The following PPP1R16B variants were observed in gnomAD, a reference collection of about 807,000 sequenced individuals.
PPP1R16B encodes the protein protein phosphatase 1 regulatory subunit 16B.
In PPP1R16B, 14 loss-of-function variants were observed where a neutral mutation model predicts 61.7. The observed-to-expected ratio is 0.23, with a 90% confidence interval of 0.15 to 0.35. The LOEUF (loss-of-function observed/expected upper bound fraction) is 0.35, where lower values mean the gene tolerates loss of function less well. Among genes scored for constraint, PPP1R16B ranks in the 10% least tolerant of loss-of-function variants. The pLI is 1.00. For missense variants in PPP1R16B, 547 were observed against 752.5 expected (o/e 0.73, Z 3.19); for synonymous variants, 266 against 305.3 (o/e 0.87, Z 1.34).
At chr20:38,915,111 G>A (rs551767218) in intron 10 of PPP1R16B, among the ~76,000 whole-genome samples, 2 of 152,180 alleles carry the variant, frequency 1.3e-5, no homozygotes, top group South Asian at 4.1e-4. Context: ...TAGCATTAGT[G>A]TGGTACATAT....
rs181845922 is a variant in PPP1R16B, at chr20:38,816,470, A to G, written c.-102+10678A>G. Among the ~76,000 whole-genome samples the G allele has an allele frequency of 1.3e-3, 192 of 152,366 alleles. 1 individual carries two copies. Among genetic ancestry groups the G allele is most frequent in the Non-Finnish European group, 2.4e-3 (163 of 68,028 alleles). ...GGATCCATAGAATGGTTTTCAATCA[A>G]TGAATGAACATCAAACATCTGTCTA... is the stretch of plus-strand genomic sequence containing the variant. On this transcript the variant is annotated intron_variant, in intron 1 of 10. Coordinates refer to ENST00000299824, the MANE Select transcript of PPP1R16B (RefSeq NM_015568.4).
chr20:38,866,495 G>A (rs546755127), intron 2 of PPP1R16B, among the ~76,000 whole-genome samples: 16 of 152,310 alleles, frequency 1.1e-4, no homozygotes, highest in Middle Eastern at 3.4e-3. Context: ...CTGTTATCTC[G>A]CCAGCACTCT....
intron 5 of PPP1R16B, among the ~76,000 whole-genome samples, chr20:38,901,272 C>T (rs968667758): frequency 2.6e-5 from 4 of 152,166 alleles, no homozygotes; most frequent in Non-Finnish European, 5.9e-5. Flanking sequence ...CTGGCCCTGC[C>T]CTTGTGTACC....
chr20:38,817,428 GGTT>G (rs1458440113), intron 1 of PPP1R16B, among the ~76,000 whole-genome samples: 1 of 152,038 alleles, frequency 6.6e-6, no homozygotes, highest in Non-Finnish European at 1.5e-5. Context: ...AGCCAGGCAT[GGTT>G]GTGTGTGCCT....
chr20:38,872,578 A>G (rs572432681), intron 2 of PPP1R16B, among the ~76,000 whole-genome samples: 19 of 152,300 alleles, frequency 1.2e-4, no homozygotes, highest in African/African-American at 4.6e-4. Flanking sequence ...CTGATCCAGC[A>G]GGGCTGGGGT....
intron 10 of PPP1R16B, 115 bp downstream of exon 10, chr20:38,908,308 G>A: frequency 1.2e-5 from 15 of 1,292,472 alleles, no homozygotes; most frequent in Non-Finnish European, 1.6e-5. Flanking sequence ...GCCAGGCACT[G>A]CCCTTAAACT....
intron 6 of PPP1R16B, 107 bp downstream of exon 6, chr20:38,902,899 C>A (rs2085408482): frequency 1.3e-6 from 2 of 1,517,348 alleles, no homozygotes; most frequent in South Asian, 2.5e-5. Flanking sequence ...TGACCTTGGA[C>A]CTCCGCAAGA....
In PPP1R16B at chr20:38,907,189, T is replaced by C; in HGVS notation, c.898+135T>C. 1 of 697,516 alleles carries C rather than the reference T, an allele frequency of 1.4e-6. No individual in the cohort carries two copies. The allele number at this position is 697,516 out of a possible 1,614,324, so 43.2% of individuals were successfully genotyped here. A position where few individuals can be genotyped will look rare whatever the true frequency, so the allele number is the denominator to read the frequency against. ...CTAGATAGATAGATGGATTAATTAA[T>C]GGATGGTAGATGAATGGACGGATGG... On this transcript the variant is annotated intron_variant, in intron 8 of 10. Transcript: ENST00000299824. The surrounding 1 kb of genome is among the most constrained non-coding windows in gnomAD (Gnocchi z 4.5).
intron 2 of PPP1R16B, among the ~76,000 whole-genome samples, chr20:38,862,031 C>T (rs1190372668): frequency 1.3e-5 from 2 of 152,164 alleles, no homozygotes; most frequent in Admixed American, 6.6e-5. Context: ...CTGACACCAG[C>T]CCTGACCAAG....
intron 3 of PPP1R16B, among the ~76,000 whole-genome samples, chr20:38,895,350 C>T (rs1358948996): frequency 6.6e-6 from 1 of 150,726 alleles, no homozygotes; most frequent in Non-Finnish European, 1.5e-5. Flanking sequence ...TTATTAACTT[C>T]ATTTTTACTC....
intron 1 of PPP1R16B, among the ~76,000 whole-genome samples, chr20:38,821,158 T>G (rs2084771319): frequency 6.6e-6 from 1 of 152,214 alleles, no homozygotes; most frequent in South Asian, 2.1e-4. Context: ...TGAGAACGTC[T>G]TTCCTAACAG....
chr20:38,865,649 G>A (rs1049077375), intron 2 of PPP1R16B, among the ~76,000 whole-genome samples: 1 of 152,154 alleles, frequency 6.6e-6, no homozygotes, highest in Non-Finnish European at 1.5e-5. Context: ...TGCACAGGTG[G>A]GCTCCACTTC....
chr20:38,816,568 C>G (rs1023224655), intron 1 of PPP1R16B, among the ~76,000 whole-genome samples: 1 of 152,176 alleles, frequency 6.6e-6, no homozygotes, highest in Non-Finnish European at 1.5e-5. Context: ...CTGGTCGACC[C>G]ACCTGGGGGG....
intron 2 of PPP1R16B, among the ~76,000 whole-genome samples, chr20:38,885,727 T>C (rs916845900): frequency 6.6e-6 from 1 of 152,226 alleles, no homozygotes; most frequent in Admixed American, 6.5e-5. Flanking sequence ...TGGTTCTGAA[T>C]TGACCGAGGT....
intron 2 of PPP1R16B, among the ~76,000 whole-genome samples, chr20:38,852,767 T>TTTTGG (rs2084977606): frequency 9.7e-6 from 1 of 103,264 alleles, no homozygotes; most frequent in Non-Finnish European, 1.9e-5. Flanking sequence ...TTTTTTTTTT[T>TTTTGG]TGCGGGGGGT....
At chr20:38,900,001 C>T (rs1270802135) in intron 4 of PPP1R16B, among the ~76,000 whole-genome samples, 3 of 152,062 alleles carry the variant, frequency 2.0e-5, no homozygotes, top group African/African-American at 7.2e-5. Flanking sequence ...TCTATGTCGG[C>T]TAGGCTGGTC....
In PPP1R16B at chr20:38,918,232, G is replaced by A; in HGVS notation, c.1270G>A (p.Val424Ile). Residue 424 changes from valine to isoleucine, a missense_variant, in exon 11 of 11, where the codon GTT (valine) becomes ATT (isoleucine). Physicochemically the swap from Val to Ile is conservative, Grantham distance 29 (BLOSUM62 3). Coordinates refer to ENST00000299824, the MANE Select transcript of PPP1R16B (RefSeq NM_015568.4). The surrounding 1 kb of genome is among the most constrained non-coding windows in gnomAD (Gnocchi z 5.3). ...KIPRGELDMP[V>I]ENGLRAPVSA... The stretch of plus-strand genomic sequence containing the variant: ...CCCACGAGGTGAACTGGACATGCCT[G>A]TTGAGAATGGCCTCCGGGCTCCGGT... 1 of 1,614,270 alleles carries A rather than the reference G, an allele frequency of 6.2e-7. No individual in the cohort carries two copies. The highest frequency in any genetic ancestry group is 8.5e-7 in the Non-Finnish European group (1 of 1,180,048).
intron 2 of PPP1R16B, among the ~76,000 whole-genome samples, chr20:38,888,928 C>CACACACACAG (rs2085269291): frequency 6.8e-6 from 1 of 147,578 alleles, no homozygotes; most frequent in East Asian, 2.0e-4. Flanking sequence ...CACACACACA[C>CACACACACAG]CCCTAGACAA....
At chr20:38,911,940 A>AT (rs1463492294) in intron 10 of PPP1R16B, among the ~76,000 whole-genome samples, 1 of 152,074 alleles carries the variant, frequency 6.6e-6, no homozygotes, top group East Asian at 1.9e-4. Flanking sequence ...CATAAGCACT[A>AT]TTTTGTGTTG....
Sources: gnomAD v4.1 joint callset for allele counts (sites outside exome capture counted in the v4.1 genomes callset) on GRCh38, gnomAD v4.1.1 for gene constraint, Gnocchi (gnomAD v3.1) non-coding constraint, MANE v1.5 for transcripts, NCBI Gene and HGNC (gene_info 2026-07-23, HGNC 2026-07-21) for gene names.